MAGI1: variants seen among roughly 807,000 people sequenced by gnomAD.
The protein encoded by MAGI1 is membrane-associated guanylate kinase, WW and PDZ domain-containing protein 1.
Under a neutral mutation model 139.9 loss-of-function variants are expected in MAGI1, and 58 were observed. That is an observed-to-expected ratio of 0.41 (90% CI 0.34 to 0.52). MAGI1 has a LOEUF of 0.52. Among genes scored for constraint, MAGI1 ranks in the 20% least tolerant of loss-of-function variants. The probability of loss-of-function intolerance (pLI) is 0.12; values close to 1 mark genes in which losing one functional copy is unlikely to be tolerated. For synonymous variants in MAGI1, 812 were observed against 737.9 expected, an observed-to-expected ratio of 1.10 and a Z score of -1.63; for missense variants, 1,874 against 1,901.6, an observed-to-expected ratio of 0.99 and a Z score of 0.27.
intron 1 of MAGI1, among the ~76,000 whole-genome samples, chr3:65,848,927 A>G (rs2108379629): frequency 7.2e-6 from 1 of 139,694 alleles, no homozygotes; most frequent in Non-Finnish European, 1.5e-5. Context: ...CTAGCCAGTG[A>G]GTTGTATGCA....
intron 2 of MAGI1, among the ~76,000 whole-genome samples, chr3:65,615,759 G>T (rs1395799258): frequency 1.3e-5 from 2 of 152,120 alleles, no homozygotes; most frequent in African/African-American, 4.8e-5. Context: ...AAAAAGTATT[G>T]TTATCTAATC....
chr3:65,714,127 C>T (rs2031888002), intron 1 of MAGI1, among the ~76,000 whole-genome samples: 1 of 152,064 alleles, frequency 6.6e-6, no homozygotes, highest in Admixed American at 6.5e-5. Context: ...TAAAATTAAC[C>T]CATGTAAAGC....
intron 13 of MAGI1, among the ~76,000 whole-genome samples, chr3:65,400,750 ATTTTTTTT>A (rs767598706): frequency 0.017 from 1,038 of 60,468 alleles, 22 homozygotes; most frequent in African/African-American, 0.065. Context: ...CAAAACATTG[ATTTTTTTT>A]TTTTTTTTTT....
chr3:65,426,289 C>T (rs1014084996), intron 12 of MAGI1, among the ~76,000 whole-genome samples: 1 of 152,162 alleles, frequency 6.6e-6, no homozygotes, highest in Non-Finnish European at 1.5e-5. Context: ...ATATTTCAAC[C>T]TTCAGCTCGA....
chr3:65,933,156 C>A (rs1466624201), intron 1 of MAGI1, among the ~76,000 whole-genome samples: 1 of 152,150 alleles, frequency 6.6e-6, no homozygotes, highest in Non-Finnish European at 1.5e-5. Flanking sequence ...AAGACAAAAG[C>A]CATATCTTAG....
At chr3:65,369,674 A>C (rs1424365085) in intron 18 of MAGI1, among the ~76,000 whole-genome samples, 2 of 151,938 alleles carry the variant, frequency 1.3e-5, no homozygotes, top group Admixed American at 1.3e-4. Context: ...ATGCCTGGCT[A>C]ATTTTTTGTA....
intron 8 of MAGI1, among the ~76,000 whole-genome samples, chr3:65,441,664 T>G (rs1217528071): frequency 1.3e-5 from 2 of 152,174 alleles, no homozygotes; most frequent in African/African-American, 4.8e-5. Flanking sequence ...AGTACATCTG[T>G]GAGAAAGATG....
intron 1 of MAGI1, among the ~76,000 whole-genome samples, chr3:65,772,813 G>A (rs922485189): frequency 2.6e-5 from 4 of 152,198 alleles, no homozygotes; most frequent in Admixed American, 6.5e-5. Context: ...TACTGCACAG[G>A]CTGATGAGAA....
At chr3:65,560,753 T>A (rs1435583460) in intron 2 of MAGI1, among the ~76,000 whole-genome samples, 1 of 152,124 alleles carries the variant, frequency 6.6e-6, no homozygotes, top group Non-Finnish European at 1.5e-5. Flanking sequence ...GTGGGTGGGT[T>A]TTCTACTATG....
At chr3:65,419,152 C>A (rs1338099604) in intron 12 of MAGI1, among the ~76,000 whole-genome samples, 1 of 152,072 alleles carries the variant, frequency 6.6e-6, no homozygotes, top group East Asian at 1.9e-4. Context: ...TAAATAACCT[C>A]TGATTCTATC....
chr3:65,450,594 CTT>C (rs1948974989), intron 6 of MAGI1, among the ~76,000 whole-genome samples: 1 of 152,116 alleles, frequency 6.6e-6, no homozygotes. Context: ...GTCGAAGTAT[CTT>C]TGAGACAATC....
At position 65,951,999 on chromosome 3, in the gene MAGI1, T is replaced by C. The variant is rs370004262; in HGVS notation, c.313+85997A>G. On this transcript the variant is annotated intron_variant, in intron 1 of 22. Transcript: ENST00000402939. Reference sequence around the variant, plus strand: ...GAGATTGCAATGTGATATTAAAATATCTGAGATTCCTACTGACGACAAAGT... The same window carrying C: ...GAGATTGCAATGTGATATTAAAATACCTGAGATTCCTACTGACGACAAAGT... Among the ~76,000 whole-genome samples, 32 of 152,352 alleles carry C rather than the reference T, an allele frequency of 2.1e-4. No homozygotes were observed. In the East Asian group the frequency reaches 3.1e-3, roughly 15 times the overall value.
rs140874267 is a variant in MAGI1 at position 66,008,804 on chromosome 3, T to C, written c.313+29192A>G. ...CGACAAGAGAACACCACATGTACAATGAAGCTGGCCGGGGGGCAGGGGCCA... is the reference window on the plus strand; with the variant it reads ...CGACAAGAGAACACCACATGTACAACGAAGCTGGCCGGGGGGCAGGGGCCA... On this transcript the variant is annotated intron_variant, in intron 1 of 22. Coordinates refer to ENST00000402939, the MANE Select transcript of MAGI1 (RefSeq NM_001033057.2). 7.5e-3 allele frequency: 918 copies of C among 122,524 alleles called. 12 individuals carry two copies. The highest frequency in any genetic ancestry group is 0.022 in the African/African-American group (852 of 38,100). The allele number at this position is 122,524 out of a possible 1,614,324, so 7.6% of individuals were successfully genotyped here.
chr3:66,025,195 T>G (rs923620306), intron 1 of MAGI1, among the ~76,000 whole-genome samples: 2 of 152,226 alleles, frequency 1.3e-5, no homozygotes, highest in African/African-American at 4.8e-5. Flanking sequence ...CAAAAATAAA[T>G]TTTGCAGTCA....
chr3:65,676,466 A>G (rs528532159), intron 1 of MAGI1, among the ~76,000 whole-genome samples: 2 of 152,330 alleles, frequency 1.3e-5, no homozygotes, highest in South Asian at 4.1e-4. Flanking sequence ...TTTTTTTAAA[A>G]AACGTACTTC....
intron 18 of MAGI1, chr3:65,372,051 G>T: frequency 4.9e-6 from 1 of 204,604 alleles, no homozygotes; most frequent in South Asian, 6.5e-5. Flanking sequence ...GTTCTTAATG[G>T]CATCTAGAAG....
chr3:65,546,378 T>C (rs1454043127), intron 2 of MAGI1, among the ~76,000 whole-genome samples: 2 of 152,254 alleles, frequency 1.3e-5, no homozygotes, highest in African/African-American at 4.8e-5. Context: ...CATGCTACAA[T>C]GTACAGTCCT....
chr3:65,596,910 T>TA (rs1169436532), intron 2 of MAGI1, among the ~76,000 whole-genome samples: 3 of 152,146 alleles, frequency 2.0e-5, no homozygotes, highest in Non-Finnish European at 4.4e-5. Flanking sequence ...GAAGCAAACT[T>TA]AAAAAGCCTT....
At position 65,534,054 on chromosome 3, in the gene MAGI1, G is replaced by T. The variant is rs372043011; in HGVS notation, c.431-40423C>A. 3.9e-5 allele frequency among the ~76,000 whole-genome samples: 6 copies of T among 152,172 alleles called. No individual in the cohort carries two copies. In the East Asian group the frequency reaches 7.7e-4, roughly 20 times the overall value. On this transcript the variant is annotated intron_variant, in intron 2 of 22. Coordinates refer to ENST00000402939, the MANE Select transcript of MAGI1 (RefSeq NM_001033057.2). ...AGCTTGTGAGACAGAGAACTACCCAGAACTACCTAAGCCAGATTATGGATT... is the reference window on the plus strand; with the variant it reads ...AGCTTGTGAGACAGAGAACTACCCATAACTACCTAAGCCAGATTATGGATT...
Sources: allele counts gnomAD v4.1 joint callset (sites outside exome capture counted in the v4.1 genomes callset), GRCh38; gene constraint gnomAD v4.1.1; transcripts MANE v1.5; gene names NCBI Gene and HGNC (gene_info 2026-07-23, HGNC 2026-07-21).